Variants in TANC1 observed in about 807,000 individuals in gnomAD.
The protein encoded by TANC1 is tetratricopeptide repeat, ankyrin repeat and coiled-coil containing 1.
TANC1 carries 77 observed loss-of-function variants against 149.7 expected under a neutral mutation model. The observed-to-expected ratio is 0.51, with a 90% CI of 0.43 to 0.62. TANC1 has a LOEUF of 0.62. TANC1 is among the 20% of genes least tolerant of loss of function. TANC1 has a pLI of 0.00. For missense variants in TANC1, 1,985 were observed against 2,321.8 expected, an observed-to-expected ratio of 0.85 and a Z score of 2.98; for synonymous variants, 854 against 925.0, an observed-to-expected ratio of 0.92 and a Z score of 1.39.
chr2:159,211,469 T>C (rs2058977688), intron 19 of TANC1, among the ~76,000 whole-genome samples: 1 of 152,212 alleles, frequency 6.6e-6, no homozygotes, highest in African/African-American at 2.4e-5. Flanking sequence ...TGCCCTCCCC[T>C]GCCCTCTTTT....
chr2:159,003,836 A>G, intron 2 of TANC1: 2 of 1,604,826 alleles, frequency 1.2e-6, no homozygotes, highest in Non-Finnish European at 1.7e-6. Flanking sequence ...CTTCAGATTT[A>G]CCAACAGCAT....
At chr2:159,047,193 C>CA (rs961198998) in intron 2 of TANC1, among the ~76,000 whole-genome samples, 4 of 150,440 alleles carry the variant, frequency 2.7e-5, no homozygotes, top group African/African-American at 9.8e-5. Flanking sequence ...TCATTTCCCC[C>CA]CCCCAGTTAT....
intron 1 of TANC1, among the ~76,000 whole-genome samples, chr2:158,997,955 T>C (rs1170540912): frequency 6.6e-6 from 1 of 152,304 alleles, no homozygotes; most frequent in East Asian, 1.9e-4. Flanking sequence ...CTGCCAGCAC[T>C]ACCTTGACCA....
At chr2:159,057,481 A>G (rs1315068967) in intron 2 of TANC1, among the ~76,000 whole-genome samples, 1 of 152,202 alleles carries the variant, frequency 6.6e-6, no homozygotes, top group Non-Finnish European at 1.5e-5. Flanking sequence ...TCATTCCTTA[A>G]TTGGAAAATT....
intron 2 of TANC1, among the ~76,000 whole-genome samples, chr2:159,048,921 A>T (rs1337228360): frequency 3.3e-5 from 5 of 152,192 alleles, no homozygotes; most frequent in Non-Finnish European, 7.3e-5. Flanking sequence ...ATGAGCCACC[A>T]CAATTGGCCC....
intron 20 of TANC1, 75 bp from the exon 21 acceptor site, chr2:159,219,163 G>A: frequency 6.3e-7 from 1 of 1,585,270 alleles, no homozygotes; most frequent in South Asian, 1.1e-5. Context: ...TTTAAAGGTT[G>A]AGAAACCTGC....
chr2:159,017,508 A>G (rs1407230401), intron 2 of TANC1, among the ~76,000 whole-genome samples: 1 of 152,122 alleles, frequency 6.6e-6, no homozygotes, highest in African/African-American at 2.4e-5. Context: ...AATGTTAGGA[A>G]ATAAGTATTT....
At chr2:159,173,348 A>T (rs569282016) in intron 11 of TANC1, among the ~76,000 whole-genome samples, 11 of 152,310 alleles carry the variant, frequency 7.2e-5, no homozygotes, top group African/African-American at 2.6e-4. Flanking sequence ...CATGCTTGTA[A>T]TCCCAGCACT....
At chr2:159,190,935 A>G (rs1313539976) in intron 16 of TANC1, among the ~76,000 whole-genome samples, 6 of 152,266 alleles carry the variant, frequency 3.9e-5, no homozygotes, top group African/African-American at 1.4e-4. Flanking sequence ...TTAAAAAGCA[A>G]GCCTATATAG....
In TANC1 at chr2:159,170,658, A is replaced by G. The variant is rs773327720; in HGVS notation, c.1204A>G (p.Thr402Ala). 2 of 1,614,190 alleles carry G rather than the reference A, an allele frequency of 1.2e-6. No individual in the cohort carries two copies. Among genetic ancestry groups the G allele is most frequent in the East Asian group, 2.2e-5 (1 of 44,870 alleles). Residue 402 changes from threonine (T) to alanine (A), a missense_variant, in exon 10 of 27, where the codon ACA (threonine) becomes GCA (alanine). Coordinates refer to ENST00000263635, the MANE Select transcript of TANC1 (RefSeq NM_033394.3). ...CCAGATAGAAGAAAACTTGAGGAACACAGAACTGGCAGAAAACAGAGGCGC... is the reference window on the plus strand; with the variant it reads ...CCAGATAGAAGAAAACTTGAGGAACGCAGAACTGGCAGAAAACAGAGGCGC... ...FHQIEENLRN[T>A]ELAENRGAVV...
intron 26 of TANC1, 121 bp from the exon 27 acceptor site, chr2:159,229,457 T>TA (rs1185976804): frequency 1.2e-6 from 1 of 839,876 alleles, no homozygotes; most frequent in Non-Finnish European, 1.8e-6. Flanking sequence ...GCCACCACCG[T>TA]AAGTGTTCAA....
chr2:159,155,507 AG>A (rs2053331776), intron 7 of TANC1, among the ~76,000 whole-genome samples: 1 of 152,218 alleles, frequency 6.6e-6, no homozygotes, highest in African/African-American at 2.4e-5. Context: ...GGGGACCCTG[AG>A]GGAACAGTGG....
At chr2:159,032,384 A>G (rs559249394) in intron 2 of TANC1, among the ~76,000 whole-genome samples, 2 of 152,264 alleles carry the variant, frequency 1.3e-5, no homozygotes, top group South Asian at 4.1e-4. Context: ...GATCTTGTGG[A>G]CTGAGGTTAG....
At chr2:159,107,981 G>A (rs1160183829) in intron 4 of TANC1, among the ~76,000 whole-genome samples, 2 of 152,152 alleles carry the variant, frequency 1.3e-5, no homozygotes, top group African/African-American at 4.8e-5. Context: ...GGATCCAATT[G>A]TATCTTCAGA....
At position 159,227,859 on chromosome 2, in the gene TANC1, C is replaced by T. The variant is rs1559497601; in HGVS notation, c.3944C>T (p.Ala1315Val). 1.2e-6 allele frequency: 2 copies of T among 1,614,100 alleles called. No individual in the cohort carries two copies. The highest frequency in any genetic ancestry group is 1.7e-6 in the Non-Finnish European group (2 of 1,179,986). ...GAGGCAGCCCAGAGGTACCAGTATG[C>T]CTTAAGAAAGTTTCCTCGAGAAGGA... The part of the protein sequence containing the change: ...MKEAAQRYQY[A>V]LRKFPREGFG... The change falls in exon 25 of 27, where the codon GCC becomes GTC. Residue 1315 changes from alanine (A) to valine (V), a missense_variant. Transcript: ENST00000263635.
At chr2:159,203,397 G>A (rs1335892576) in intron 19 of TANC1, among the ~76,000 whole-genome samples, 1 of 151,666 alleles carries the variant, frequency 6.6e-6, no homozygotes, top group Non-Finnish European at 1.5e-5. Context: ...AGTAGAGATG[G>A]GGTTTCACTG....
At chr2:159,170,871 A>G (rs1172242298) in intron 10 of TANC1, 66 bp downstream of exon 10, 2 of 1,546,258 alleles carry the variant, frequency 1.3e-6, no homozygotes, top group Non-Finnish European at 1.8e-6. Context: ...ATTGCTGTTC[A>G]CATAGACATA....
chr2:159,032,925 C>T (rs2039897062), intron 2 of TANC1, among the ~76,000 whole-genome samples: 1 of 152,164 alleles, frequency 6.6e-6, no homozygotes. Context: ...AGGCCTCCCC[C>T]TTTTTTCCTC....
chr2:159,082,371 TAAAAA>T (rs5835731), intron 3 of TANC1, among the ~76,000 whole-genome samples: 14 of 148,228 alleles, frequency 9.4e-5, no homozygotes, highest in Middle Eastern at 7.0e-3. Context: ...TTAAACTTGT[TAAAAA>T]AAAAAAAAAG....
Sources: gnomAD v4.1 joint callset for allele counts (sites outside exome capture counted in the v4.1 genomes callset) on GRCh38, gnomAD v4.1.1 for gene constraint, MANE v1.5 for transcripts, NCBI Gene and HGNC (gene_info 2026-07-23, HGNC 2026-07-21) for gene names.